Variants in COL19A1 observed in about 807,000 individuals in gnomAD.
COL19A1 encodes collagen alpha-1(XIX) chain.
In COL19A1, 159 loss-of-function variants were observed where a neutral mutation model predicts 190.2. The observed-to-expected ratio is 0.84, with a 90% CI of 0.73 to 0.95. The LOEUF is 0.95. Ranked by LOEUF, COL19A1 falls within the 40% of genes least tolerant of loss-of-function variation. COL19A1 has a pLI of 0.00. For missense variants in COL19A1, 1,418 were observed against 1,431.9 expected (o/e 0.99, Z 0.16); for synonymous variants, 509 against 458.9 (o/e 1.11, Z -1.39).
chr6:70,150,038 G>C lies in COL19A1; in HGVS notation c.2030G>C (p.Gly677Ala), dbSNP rs1242733751. Residue 677 changes from glycine (G) to alanine (A), a missense_variant, in exon 30 of 51, where the codon GGT becomes GCT. Physicochemically the swap from Gly to Ala is moderately conservative, Grantham distance 60 (BLOSUM62 0). Transcript: ENST00000620364. ...AAGCCAGGCCTGCCAGGCCCCCCAG[G>C]TGACCCGGTATGTAGACAAACCTTG... ...DGKPGLPGPPGDPIALPLLGD... is the reference protein window; with the variant it reads ...DGKPGLPGPPADPIALPLLGD... 7.4e-6 allele frequency: 12 copies of C among 1,613,578 alleles called. No individual in the cohort carries two copies. Among genetic ancestry groups the C allele is most frequent in the East Asian group, 2.2e-5 (1 of 44,864 alleles).
intron 44 of COL19A1, among the ~76,000 whole-genome samples, chr6:70,181,349 T>A (rs1010949007): frequency 6.6e-6 from 1 of 152,000 alleles, no homozygotes; most frequent in African/African-American, 2.4e-5. Flanking sequence ...AAGATCTGGG[T>A]CTGAATTATG....
chr6:70,154,141 A>C (rs1787286573), intron 31 of COL19A1, among the ~76,000 whole-genome samples: 1 of 99,190 alleles, frequency 1.0e-5, no homozygotes, highest in Admixed American at 1.5e-4. Context: ...CCAGTGTGTG[A>C]TGTTCCCCTC....
At chr6:70,065,485 G>A (rs1781121838) in intron 14 of COL19A1, among the ~76,000 whole-genome samples, 1 of 152,218 alleles carries the variant, frequency 6.6e-6, no homozygotes, top group Non-Finnish European at 1.5e-5. Flanking sequence ...TTAAATGTTA[G>A]ACCTAAAACC....
chr6:70,165,918 A>T (rs1192548828), intron 36 of COL19A1, 23 bp from the exon 37 acceptor site: 2 of 1,612,270 alleles, frequency 1.2e-6, no homozygotes, highest in East Asian at 2.2e-5. Context: ...TACGCCGCTG[A>T]TATGTCTATA....
At chr6:70,199,284 G>A (rs1193393740) in intron 48 of COL19A1, among the ~76,000 whole-genome samples, 7 of 152,120 alleles carry the variant, frequency 4.6e-5, no homozygotes. Context: ...ATTTTTTAAT[G>A]TGAACCTAAA....
chr6:70,041,535 G>T (rs1169569489), intron 14 of COL19A1, among the ~76,000 whole-genome samples: 3 of 151,982 alleles, frequency 2.0e-5, no homozygotes, highest in South Asian at 2.1e-4. Flanking sequence ...ACCCTGTGAG[G>T]TATAAAATGA....
intron 2 of COL19A1, among the ~76,000 whole-genome samples, chr6:69,896,543 C>CAAAAAAAAAAAAAA (rs61409385): frequency 1.8e-4 from 13 of 71,684 alleles, no homozygotes; most frequent in African/African-American, 6.6e-4. Context: ...GACTCCGTCT[C>CAAAAAAAAAAAAAA]AAAAAAAAAA....
chr6:70,106,904 A>G (rs1784007588), intron 16 of COL19A1, among the ~76,000 whole-genome samples: 1 of 152,238 alleles, frequency 6.6e-6, no homozygotes, highest in African/African-American at 2.4e-5. Flanking sequence ...TCCCTCGGGA[A>G]GGAAATAGCA....
At chr6:70,057,321 A>G (rs1002465056) in intron 14 of COL19A1, among the ~76,000 whole-genome samples, 2 of 152,140 alleles carry the variant, frequency 1.3e-5, no homozygotes, top group Non-Finnish European at 2.9e-5. Context: ...TTACTTGTCA[A>G]CAAAGCTTAG....
chr6:69,985,649 A>G (rs980492076), intron 11 of COL19A1, among the ~76,000 whole-genome samples: 4 of 152,222 alleles, frequency 2.6e-5, no homozygotes, highest in African/African-American at 7.2e-5. Flanking sequence ...AACGTTTTCA[A>G]AAATTCCTTA....
chr6:69,978,060 C>A (rs3805977), intron 11 of COL19A1, among the ~76,000 whole-genome samples: 18,541 of 152,100 alleles, frequency 0.12, 1,422 homozygotes, highest in East Asian at 0.2. Context: ...ATATGTGTTA[C>A]CTCTGTGAAC....
chr6:70,126,567 T>C (rs921526922), intron 17 of COL19A1, among the ~76,000 whole-genome samples: 2 of 152,176 alleles, frequency 1.3e-5, no homozygotes, highest in Non-Finnish European at 2.9e-5. Flanking sequence ...GCTGGTGAAA[T>C]GGTTTTTTGC....
Position 70,146,868 on chromosome 6 carries a change from G to T in COL19A1, c.1872G>T (p.Gly624=). The T allele has an allele frequency of 6.3e-7, 1 of 1,586,784 alleles. No individual in the cohort carries two copies. The highest frequency in any genetic ancestry group is 8.6e-7 in the Non-Finnish European group (1 of 1,169,520). ...HGSPGDIGPQ[G]IGIPGRTGAQ... is the part of the protein sequence containing the mutation. Reference sequence around the variant, plus strand: ...CCCCAGGGGACATAGGCCCACAAGGGATAGGAATTCCTGGCAGAACAGTAA... The same window carrying T: ...CCCCAGGGGACATAGGCCCACAAGGTATAGGAATTCCTGGCAGAACAGTAA... The change falls in exon 27 of 51, where the codon GGG becomes GGT. Residue 624 remains glycine, a synonymous_variant. Transcript: ENST00000620364.
In COL19A1 at chr6:69,878,455, C is replaced by T. The variant is rs186178924; in HGVS notation, c.-32-1081C>T. ...GGTCTCAATCTCTTTACCTCGTGAT[C>T]GCCCGCCTCGGCCTTCCAAAGTGCT... On this transcript the variant is annotated intron_variant, in intron 1 of 50. Transcript: ENST00000620364. Among the ~76,000 whole-genome samples the T allele has an allele frequency of 1.0e-3, 153 of 151,990 alleles. 1 individual carries two copies. The highest frequency in any genetic ancestry group is 6.8e-3 in the Middle Eastern group (2 of 294).
intron 15 of COL19A1, among the ~76,000 whole-genome samples, chr6:70,083,326 T>C: frequency 6.6e-6 from 1 of 152,136 alleles, no homozygotes; most frequent in East Asian, 1.9e-4. Context: ...AAGTGTACAG[T>C]TTTGTAATTT....
intron 4 of COL19A1, among the ~76,000 whole-genome samples, chr6:69,900,975 G>A (rs1253130069): frequency 6.6e-6 from 1 of 151,870 alleles, no homozygotes; most frequent in Non-Finnish European, 1.5e-5. Flanking sequence ...AACCATACAG[G>A]GCAACAATGA....
In COL19A1 at chr6:70,017,348, A is replaced by C. The variant is rs769477964; in HGVS notation, c.1027-6279A>C. ...CAAGAGTGAGAAGCAGTTGACTACA[A>C]ATGGGCACAAGGAAACTTTTTTAGG... On this transcript the variant is annotated intron_variant, in intron 11 of 50. Transcript: ENST00000620364. Among the ~76,000 whole-genome samples, 16 of 152,240 alleles carry C rather than the reference A, an allele frequency of 1.1e-4. No individual in the cohort carries two copies. In the East Asian group the frequency reaches 3.1e-3, roughly 29 times the overall value.
chr6:70,119,653 G>A (rs1784769559), intron 16 of COL19A1, among the ~76,000 whole-genome samples: 1 of 152,190 alleles, frequency 6.6e-6, no homozygotes, highest in Admixed American at 6.5e-5. Flanking sequence ...CCAGTGGTGT[G>A]ACCTTGGACC....
intron 40 of COL19A1, among the ~76,000 whole-genome samples, chr6:70,171,173 C>T (rs184605726): frequency 6.6e-6 from 1 of 152,244 alleles, no homozygotes; most frequent in Non-Finnish European, 1.5e-5. Flanking sequence ...TATTTTAGCT[C>T]ATCAGCTATC....
Sources: allele counts gnomAD v4.1 joint callset (sites outside exome capture counted in the v4.1 genomes callset), GRCh38; gene constraint gnomAD v4.1.1; transcripts MANE v1.5; gene names NCBI Gene and HGNC (gene_info 2026-07-23, HGNC 2026-07-21).